Variants in IST1 observed in about 807,000 individuals in gnomAD.
The protein encoded by IST1 is IST1 homolog.
A neutral mutation model predicts 37.0 loss-of-function variants in IST1; 23 were observed. The ratio of observed to expected loss-of-function variants is 0.62; its 90% CI spans 0.45 to 0.88. The LOEUF is 0.88. Among genes scored for constraint, IST1 ranks in the 40% least tolerant of loss-of-function variants. The pLI is 0.00. For synonymous variants in IST1, 180 were observed against 161.7 expected, an observed-to-expected ratio of 1.11 and a Z score of -0.86; for missense variants, 488 against 445.4, an observed-to-expected ratio of 1.10 and a Z score of -0.86.
At chr16:71,898,833 G>A (rs1285199134) in intron 1 of IST1, among the ~76,000 whole-genome samples, 4 of 150,534 alleles carry the variant, frequency 2.7e-5, no homozygotes, top group South Asian at 2.1e-4. Context: ...AAAAATTAGC[G>A]GGGTGCCTGT....
chr16:71,925,491 T>A (rs376225588), intron 9 of IST1, among the ~76,000 whole-genome samples: 19 of 151,692 alleles, frequency 1.3e-4, no homozygotes, highest in Admixed American at 9.9e-4. Context: ...AATTTTTGTA[T>A]TTTTAGTAGA....
chr16:71,916,962 G>T, intron 3 of IST1, 85 bp from the exon 4 acceptor site: 1 of 799,722 alleles, frequency 1.3e-6, no homozygotes, highest in Non-Finnish European at 2.0e-6. Flanking sequence ...GAATGGCTTT[G>T]GAGGCTATAA....
intron 2 of IST1, among the ~76,000 whole-genome samples, chr16:71,916,158 T>A (rs981992567): frequency 1.3e-5 from 2 of 152,174 alleles, no homozygotes; most frequent in Non-Finnish European, 2.9e-5. Context: ...AAGCTTTGGA[T>A]CCATTTCTGC....
chr16:71,905,006 A>T (rs535797215), intron 1 of IST1, among the ~76,000 whole-genome samples: 42 of 148,882 alleles, frequency 2.8e-4, no homozygotes, highest in East Asian at 2.7e-3. Flanking sequence ...CCATTAAAAA[A>T]TTTTTTTTTT....
intron 4 of IST1, among the ~76,000 whole-genome samples, chr16:71,920,326 CAA>C (rs2037551579): frequency 6.6e-6 from 1 of 152,130 alleles, no homozygotes; most frequent in Admixed American, 6.5e-5. Context: ...TACGGCTTAA[CAA>C]AGAGTTATTA....
chr16:71,917,454 G>C lies in IST1; in HGVS notation c.357+320G>C, dbSNP rs28470973. Reference sequence around the variant, plus strand: ...AAGTTAAAATAACATTAAGGTGACAGATGTTTTTGCTTTATTTATTAATTC... The same window carrying C: ...AAGTTAAAATAACATTAAGGTGACACATGTTTTTGCTTTATTTATTAATTC... On this transcript the variant is annotated intron_variant, in intron 4 of 9. Transcript: ENST00000378799. Among the ~76,000 whole-genome samples, 891 of 152,232 alleles carry C rather than the reference G, an allele frequency of 5.9e-3. 10 individuals are homozygous for C. Among genetic ancestry groups the C allele is most frequent in the African/African-American group, 0.019 (788 of 41,498 alleles).
chr16:71,930,010 C>A lies in IST1; in HGVS notation c.*2197C>A. ...AGGGGCAGTTACAGTGGAGCTTTCCCAGTGATATAACAGCATGCTAGTTTA... is the reference window on the plus strand; with the variant it reads ...AGGGGCAGTTACAGTGGAGCTTTCCAAGTGATATAACAGCATGCTAGTTTA... On this transcript the variant is annotated 3_prime_UTR_variant, in exon 10 of 10. Coordinates refer to ENST00000378799, the MANE Select transcript of IST1 (RefSeq NM_001270975.2). 1 of 1,521,500 alleles carries A rather than the reference C, an allele frequency of 6.6e-7. No homozygotes were observed. 94.2% of individuals were successfully genotyped at this position (1,521,500 alleles called of 1,614,324 possible).
chr16:71,895,860 C>G (rs12102548), intron 1 of IST1, among the ~76,000 whole-genome samples: 121,682 of 152,228 alleles, frequency 0.8, 49,003 homozygotes, highest in East Asian at 0.98. Context: ...CCTCGAAGCC[C>G]CTTAACTTTC....
chr16:71,927,852 A>G lies in IST1; in HGVS notation c.*39A>G, dbSNP rs1261318113. 1.4e-6 allele frequency: 2 copies of G among 1,382,144 alleles called. No individual in the cohort carries two copies. Among genetic ancestry groups the G allele is most frequent in the Admixed American group, 1.7e-5 (1 of 58,246 alleles). 85.6% of individuals were successfully genotyped at this position (1,382,144 alleles called of 1,614,324 possible). A position where few individuals can be genotyped will look rare whatever the true frequency, so the allele number is the denominator to read the frequency against. ...GGCAACTTTCACGTTTTGGGAGTTG[A>G]GACTGAGCAATTTCTCCTTGTAACA... On this transcript the variant is annotated 3_prime_UTR_variant, in exon 10 of 10. Coordinates refer to ENST00000378799, the MANE Select transcript of IST1 (RefSeq NM_001270975.2).
chr16:71,914,237 C>T (rs539997614), intron 1 of IST1, among the ~76,000 whole-genome samples: 1 of 151,000 alleles, frequency 6.6e-6, no homozygotes, highest in East Asian at 1.9e-4. Flanking sequence ...TGGCTCACTG[C>T]AACCTCCACC....
Position 71,924,944 on chromosome 16 carries a change from C to T in IST1, c.901+127C>T, listed in dbSNP as rs1451348997. On this transcript the variant is annotated intron_variant, in intron 9 of 9. Coordinates refer to ENST00000378799, the MANE Select transcript of IST1 (RefSeq NM_001270975.2). ...TTCTATCTGCATGCCCTGTTCTCTTCCCAAATGCTAAAATAGAACTCAGGA... is the reference window on the plus strand; with the variant it reads ...TTCTATCTGCATGCCCTGTTCTCTTTCCAAATGCTAAAATAGAACTCAGGA... 19 of 656,610 alleles carry T rather than the reference C, an allele frequency of 2.9e-5. 1 individual carries two copies. The highest frequency in any genetic ancestry group is 1.3e-4 in the Admixed American group (5 of 38,968). 40.7% of individuals were successfully genotyped at this position (656,610 alleles called of 1,614,324 possible). A position where few individuals can be genotyped will look rare whatever the true frequency, so the allele number is the denominator to read the frequency against.
At chr16:71,908,808 G>A (rs561730915) in intron 1 of IST1, among the ~76,000 whole-genome samples, 10 of 152,232 alleles carry the variant, frequency 6.6e-5, no homozygotes, top group African/African-American at 2.4e-4. Context: ...TCCAGGCTGG[G>A]GAACATCAGA....
At chr16:71,913,358 T>C (rs892696615) in intron 1 of IST1, among the ~76,000 whole-genome samples, 1 of 152,214 alleles carries the variant, frequency 6.6e-6, no homozygotes, top group African/African-American at 2.4e-5. Context: ...TCTCTAGATA[T>C]TAATGATATT....
At chr16:71,913,335 T>A (rs1279781475) in intron 1 of IST1, among the ~76,000 whole-genome samples, 1 of 152,156 alleles carries the variant, frequency 6.6e-6, no homozygotes, top group Non-Finnish European at 1.5e-5. Context: ...TCATTGTGAT[T>A]TCATTTTGCC....
chr16:71,915,420 G>A (rs2037446030), intron 1 of IST1, among the ~76,000 whole-genome samples: 1 of 152,004 alleles, frequency 6.6e-6, no homozygotes, highest in Admixed American at 6.6e-5. Flanking sequence ...CTTCCCATTG[G>A]TCTTCCTGCT....
intron 4 of IST1, among the ~76,000 whole-genome samples, chr16:71,918,062 T>C (rs1420639845): frequency 1.3e-5 from 2 of 152,180 alleles, no homozygotes; most frequent in Non-Finnish European, 2.9e-5. Context: ...TGCTGAGTGA[T>C]CTGGTTAAGC....
chr16:71,924,003 T>G (rs770137438), intron 8 of IST1: 20 of 401,504 alleles, frequency 5.0e-5, no homozygotes, highest in African/African-American at 8.4e-5. Context: ...CAAATTGGTG[T>G]GGCATTTGCT....
rs1326611533 is a variant in IST1, at chr16:71,928,968, G to C, written c.*1155G>C. 1 of 141,208 alleles carries C rather than the reference G, an allele frequency of 7.1e-6. No homozygotes were observed. The highest frequency in any genetic ancestry group is 3.3e-5 in the African/African-American group (1 of 30,706). 8.7% of individuals were successfully genotyped at this position (141,208 alleles called of 1,614,324 possible). A position where few individuals can be genotyped will look rare whatever the true frequency, so the allele number is the denominator to read the frequency against. On this transcript the variant is annotated 3_prime_UTR_variant, in exon 10 of 10. Transcript: ENST00000378799. The stretch of plus-strand genomic sequence containing the variant: ...AATGTTTTCAGTTGGTTTGTATTCT[G>C]TAGCTCAGTAGCTGCTAATAAAGTT...
At chr16:71,922,412 G>A (rs536498891) in intron 6 of IST1, 62 bp from the exon 7 acceptor site, 47 of 1,413,246 alleles carry the variant, frequency 3.3e-5, no homozygotes, top group African/African-American at 3.1e-4. Flanking sequence ...CTCAGACTCC[G>A]CTTTCTGGGG....
Sources: gnomAD v4.1 joint callset for allele counts (sites outside exome capture counted in the v4.1 genomes callset) on GRCh38, gnomAD v4.1.1 for gene constraint, MANE v1.5 for transcripts, NCBI Gene and HGNC (gene_info 2026-07-23, HGNC 2026-07-21) for gene names.